The following POLDIP2 variants were observed in gnomAD, a reference collection of about 807,000 sequenced individuals.
POLDIP2 encodes DNA polymerase delta interacting protein 2.
Under a neutral mutation model 52.9 loss-of-function variants are expected in POLDIP2, and 32 were observed. The observed-to-expected ratio is 0.61, with a 90% CI of 0.46 to 0.81. The LOEUF is 0.81. POLDIP2 is among the 40% of genes least tolerant of loss of function. The probability of loss-of-function intolerance (pLI) is 0.00; values close to 1 mark genes in which losing one functional copy is unlikely to be tolerated. For synonymous variants in POLDIP2, 183 were observed against 183.0 expected, an observed-to-expected ratio of 1.00 and a Z score of 0.00; for missense variants, 371 against 477.3, an observed-to-expected ratio of 0.78 and a Z score of 2.07.
At position 28,353,806 on chromosome 17, in the gene POLDIP2, A is replaced by G; in HGVS notation, c.342-15T>C. On this transcript the variant is annotated splice_polypyrimidine_tract_variant and intron_variant, in intron 3 of 10. Coordinates refer to ENST00000540200, the MANE Select transcript of POLDIP2 (RefSeq NM_015584.5). ...GGTTCTCTGCTCTATGGGGTGGGAG[A>G]AGGAGGCCAAGATCACCCCAGGAGA... 1.9e-6 allele frequency: 3 copies of G among 1,553,678 alleles called. No individual in the cohort carries two copies. The highest frequency in any genetic ancestry group is 1.1e-5 in the South Asian group (1 of 89,860).
intron 9 of POLDIP2, 146 bp from the exon 10 acceptor site, chr17:28,349,308 C>T (rs2142393192): frequency 8.5e-6 from 5 of 584,954 alleles, no homozygotes; most frequent in South Asian, 2.1e-5. Flanking sequence ...TAGCATGATA[C>T]ACTTCCTGCC....
chr17:28,352,237 C>CTTTTTTTTATTT (rs1907823609), intron 6 of POLDIP2, among the ~76,000 whole-genome samples: 1 of 87,682 alleles, frequency 1.1e-5, no homozygotes, highest in Non-Finnish European at 2.0e-5. Flanking sequence ...GGAATTATTT[C>CTTTTTTTTATTT]TTTTTTTTTT....
intron 2 of POLDIP2, among the ~76,000 whole-genome samples, chr17:28,355,332 G>A (rs1907972326): frequency 1.3e-5 from 2 of 152,254 alleles, no homozygotes; most frequent in Admixed American, 6.5e-5. Flanking sequence ...TCTGGGCTGG[G>A]TGCGGTGGCT....
chr17:28,349,106 C>G lies in POLDIP2; in HGVS notation c.969G>C (p.Leu323=). 1.2e-6 allele frequency: 2 copies of G among 1,613,082 alleles called. No homozygotes were observed. The highest frequency in any genetic ancestry group is 2.7e-5 in the African/African-American group (2 of 75,044). ...PAFQYSSHVS[L]QASSGHMWGT... is the part of the protein sequence containing the mutation. ...ACCACATGTGCCCACTGGAAGCCTG[C>G]AGCGAGACGTGGCTGCTATACTGGA... The change falls in exon 10 of 11, where the codon CTG becomes CTC. Residue 323 remains leucine (L), a synonymous_variant. Transcript: ENST00000540200.
intron 6 of POLDIP2, among the ~76,000 whole-genome samples, chr17:28,352,143 CCATCTGT>C (rs199802780): frequency 0.015 from 2,310 of 151,984 alleles, 58 homozygotes; most frequent in African/African-American, 0.051. Flanking sequence ...GAAATAACTG[CCATCTGT>C]CATCTGTCAG....
At chr17:28,356,590 T>C (rs1440256884) in intron 1 of POLDIP2, among the ~76,000 whole-genome samples, 2 of 152,200 alleles carry the variant, frequency 1.3e-5, no homozygotes, top group Non-Finnish European at 2.9e-5. Flanking sequence ...AAATTGCAAA[T>C]AGCTATCATC....
At position 28,353,098 on chromosome 17, in the gene POLDIP2, C is replaced by A. The variant is rs1907871909; in HGVS notation, c.515-79G>T. The stretch of plus-strand genomic sequence containing the variant: ...GGGGTTGAGAAGAAACATTAACTGG[C>A]CTTGTTCCAGTATGGGATAACCCTG... On this transcript the variant is annotated intron_variant, in intron 5 of 10. Transcript: ENST00000540200. 1.3e-5 allele frequency: 10 copies of A among 759,350 alleles called. No individual in the cohort carries two copies. The East Asian group carries it at 2.3e-4, about 17-fold the overall frequency. 47.0% of individuals were successfully genotyped at this position (759,350 alleles called of 1,614,324 possible).
At chr17:28,348,981 C>G (rs1907693409) in intron 10 of POLDIP2, 102 bp downstream of exon 10, 1 of 722,842 alleles carries the variant, frequency 1.4e-6, no homozygotes, top group African/African-American at 1.8e-5. Context: ...AAGAATGTAA[C>G]TTGGCCCAGA....
chr17:28,352,930 G>T lies in POLDIP2; in HGVS notation c.604C>A (p.Leu202Met), dbSNP rs781867402. 7 of 1,589,682 alleles carry T rather than the reference G, an allele frequency of 4.4e-6. No homozygotes were observed. The East Asian group carries it at 1.6e-4, about 35-fold the overall frequency. Reference sequence around the variant, plus strand: ...AGATTACCTTTTGTCTGGTCATACAGAAGAAATCTTTCAAAGAGTTCATGT... The same window carrying T: ...AGATTACCTTTTGTCTGGTCATACATAAGAAATCTTTCAAAGAGTTCATGT... Reference protein sequence around the residue: ...IQHELFERFLLYDQTKAPPFV... With the variant: ...IQHELFERFLMYDQTKAPPFV... Residue 202 changes from leucine to methionine, a missense_variant, in exon 6 of 11, where the codon CTG (leucine) becomes ATG (methionine). Coordinates refer to ENST00000540200, the MANE Select transcript of POLDIP2 (RefSeq NM_015584.5).
At chr17:28,356,670 T>C (rs1173925888) in intron 1 of POLDIP2, among the ~76,000 whole-genome samples, 3 of 152,198 alleles carry the variant, frequency 2.0e-5, no homozygotes, top group Non-Finnish European at 4.4e-5. Context: ...GGGCTGCTCT[T>C]TCTAGGGGCC....
At chr17:28,348,675 G>A (rs1907679350) in intron 10 of POLDIP2, among the ~76,000 whole-genome samples, 1 of 152,230 alleles carries the variant, frequency 6.6e-6, no homozygotes, top group African/African-American at 2.4e-5. Flanking sequence ...TTGTGCCATT[G>A]CACTCCAGCC....
rs564952836 is a variant in POLDIP2, at chr17:28,347,314, G to A, written c.*803C>T. 6.6e-6 allele frequency: 1 copy of A among 152,366 alleles called. No individual in the cohort carries two copies. The highest frequency in any genetic ancestry group is 2.1e-4 in the South Asian group (1 of 4,832). 9.4% of individuals were successfully genotyped at this position (152,366 alleles called of 1,614,324 possible). A position where few individuals can be genotyped will look rare whatever the true frequency, so the allele number is the denominator to read the frequency against. On this transcript the variant is annotated 3_prime_UTR_variant, in exon 11 of 11. Coordinates refer to ENST00000540200, the MANE Select transcript of POLDIP2 (RefSeq NM_015584.5). ...TCATCTCTGGCTCTTGGAAATCTGA[G>A]AGAAGCTCAGGAAGTAGCTTGACTT... is the stretch of plus-strand genomic sequence containing the variant.
In POLDIP2 at chr17:28,354,681, G is replaced by T. The variant is rs917487305; in HGVS notation, c.244-96C>A. The T allele has an allele frequency of 5.3e-6, 4 of 755,516 alleles. 1 individual carries two copies. The highest frequency in any genetic ancestry group is 4.7e-6 in the Non-Finnish European group (2 of 425,708). The allele number at this position is 755,516 out of a possible 1,614,324, so 46.8% of individuals were successfully genotyped here. On this transcript the variant is annotated intron_variant, in intron 2 of 10. Coordinates refer to ENST00000540200, the MANE Select transcript of POLDIP2 (RefSeq NM_015584.5). Reference sequence around the variant, plus strand: ...AGCAACACAGGTGGAGGCAACTCCAGCACAAGGTCTTGCTACCTCTTCCCT... The same window carrying T: ...AGCAACACAGGTGGAGGCAACTCCATCACAAGGTCTTGCTACCTCTTCCCT...
intron 1 of POLDIP2, 60 bp from the exon 2 acceptor site, chr17:28,355,936 A>AT: frequency 1.5e-6 from 2 of 1,370,526 alleles, no homozygotes. Flanking sequence ...GTAGTTATCC[A>AT]TAAGAAAAAG....
intron 1 of POLDIP2, among the ~76,000 whole-genome samples, chr17:28,356,485 C>T (rs997740048): frequency 2.9e-4 from 44 of 152,122 alleles, no homozygotes; most frequent in African/African-American, 1.1e-3. Context: ...ACCTGTAGCC[C>T]TTACATTGCC....
At chr17:28,353,485 G>GCACTCCAGC (rs1281934933) in intron 4 of POLDIP2, among the ~76,000 whole-genome samples, 169 bp from the exon 5 acceptor site, 5 of 118,180 alleles carry the variant, frequency 4.2e-5, no homozygotes, top group African/African-American at 1.0e-4. Context: ...TCTCACCACT[G>GCACTCCAGC]CACTCCAGCC....
chr17:28,353,378 C>T (rs1907887908), intron 4 of POLDIP2, 62 bp from the exon 5 acceptor site: 9 of 897,278 alleles, frequency 1.0e-5, no homozygotes, highest in South Asian at 5.6e-5. Flanking sequence ...AAAAATTAGG[C>T]TGGTGTGGTG....
chr17:28,355,857 C>A lies in POLDIP2; in HGVS notation c.181G>T (p.Val61Leu), dbSNP rs782181938. The A allele has an allele frequency of 6.2e-7, 1 of 1,612,986 alleles. No homozygotes were observed. The highest frequency in any genetic ancestry group is 1.1e-5 in the South Asian group (1 of 90,790). Reference sequence around the variant, plus strand: ...TCAAACACACCAACTGTCTCCAACACTTTGCCCTCTGGTCGGTTTCTGAGT... The same window carrying A: ...TCAAACACACCAACTGTCTCCAACAATTTGCCCTCTGGTCGGTTTCTGAGT... ...LSSRNRPEGK[V>L]LETVGVFEVP... The change falls in exon 2 of 11, where the codon GTG becomes TTG. Residue 61 changes from valine to leucine, a missense_variant. Val to Leu is a conservative substitution (Grantham distance 32). Transcript: ENST00000540200.
chr17:28,353,039 G>T lies in POLDIP2; in HGVS notation c.515-20C>A. The T allele has an allele frequency of 1.1e-6, 1 of 879,928 alleles. No homozygotes were observed. The highest frequency in any genetic ancestry group is 2.0e-6 in the Non-Finnish European group (1 of 510,214). The allele number at this position is 879,928 out of a possible 1,614,324, so 54.5% of individuals were successfully genotyped here. On this transcript the variant is annotated intron_variant, in intron 5 of 10. Transcript: ENST00000540200. ...CCAAGCCTGGCACAGAGATGCAAAA[G>T]ACAGTGGTGAAACTCACAGGAGAGG...
Sources: gnomAD v4.1 joint callset for allele counts (sites outside exome capture counted in the v4.1 genomes callset) on GRCh38, gnomAD v4.1.1 for gene constraint, MANE v1.5 for transcripts, NCBI Gene and HGNC (gene_info 2026-07-23, HGNC 2026-07-21) for gene names.